Variants in CADM2 observed in about 807,000 individuals in gnomAD.
CADM2 encodes the protein cell adhesion molecule 2, also known as immunoglobulin superfamily member 4D.
CADM2 carries 12 observed loss-of-function variants against 49.8 expected under a neutral mutation model. The ratio of observed to expected loss-of-function variants is 0.24; its 90% CI spans 0.15 to 0.39. The LOEUF is 0.39. Ranked by LOEUF, CADM2 falls within the 10% of genes least tolerant of loss-of-function variation. The pLI is 1.00. For missense variants in CADM2, 378 were observed against 492.3 expected (o/e 0.77, Z 2.20); for synonymous variants, 214 against 175.4 (o/e 1.22, Z -1.74).
intron 8 of CADM2, among the ~76,000 whole-genome samples, chr3:86,037,560 T>C (rs754717557): frequency 6.6e-6 from 1 of 152,186 alleles, no homozygotes; most frequent in Non-Finnish European, 1.5e-5. Flanking sequence ...AAAAGGGCTG[T>C]ATTTTCATTA....
intron 1 of CADM2, among the ~76,000 whole-genome samples, chr3:85,011,023 C>T (rs2107253437): frequency 6.6e-6 from 1 of 151,758 alleles, no homozygotes; most frequent in African/African-American, 2.4e-5. Context: ...GCCACCACGC[C>T]TGGCTAATTT....
At chr3:85,713,517 G>A (rs549969451) in intron 1 of CADM2, among the ~76,000 whole-genome samples, 1 of 152,122 alleles carries the variant, frequency 6.6e-6, no homozygotes, top group South Asian at 2.1e-4. Context: ...GAAATAGAAG[G>A]CAGAAGAACA....
chr3:85,325,595 CA>C (rs1245389643), intron 1 of CADM2, among the ~76,000 whole-genome samples: 1 of 149,582 alleles, frequency 6.7e-6, no homozygotes, highest in African/African-American at 2.5e-5. Flanking sequence ...GAGGCTGAGG[CA>C]GGAGAATCAC....
intron 1 of CADM2, among the ~76,000 whole-genome samples, chr3:85,712,228 G>C (rs2067140537): frequency 6.6e-6 from 1 of 152,026 alleles, no homozygotes; most frequent in Admixed American, 6.6e-5. Flanking sequence ...TTTTCATATA[G>C]TCTTTCTCCT....
intron 1 of CADM2, among the ~76,000 whole-genome samples, chr3:85,001,655 A>C (rs2107217623): frequency 6.6e-6 from 1 of 152,236 alleles, no homozygotes; most frequent in East Asian, 1.9e-4. Flanking sequence ...TAAAGATAAA[A>C]GAGTTAAGAT....
intron 1 of CADM2, among the ~76,000 whole-genome samples, chr3:85,371,037 T>C (rs187910982): frequency 7.9e-5 from 12 of 152,244 alleles, no homozygotes; most frequent in African/African-American, 2.4e-4. Flanking sequence ...GTATAACGTG[T>C]TGTGTTATAA....
At chr3:85,400,118 G>A (rs1014905479) in intron 1 of CADM2, among the ~76,000 whole-genome samples, 1 of 152,040 alleles carries the variant, frequency 6.6e-6, no homozygotes, top group Non-Finnish European at 1.5e-5. Flanking sequence ...TTTGAGATAC[G>A]TCCCATCAAT....
intron 8 of CADM2, among the ~76,000 whole-genome samples, chr3:86,057,882 A>C (rs186223300): frequency 6.6e-6 from 1 of 152,292 alleles, no homozygotes; most frequent in African/African-American, 2.4e-5. Flanking sequence ...GCTATAAATG[A>C]CCTCAACCAG....
At chr3:85,005,308 A>G (rs2107230245) in intron 1 of CADM2, among the ~76,000 whole-genome samples, 1 of 152,250 alleles carries the variant, frequency 6.6e-6, no homozygotes, top group South Asian at 2.1e-4. Context: ...CTGTGTTCCA[A>G]TAAAACTTAT....
At chr3:86,009,571 A>G (rs1299923847) in intron 8 of CADM2, among the ~76,000 whole-genome samples, 1 of 151,864 alleles carries the variant, frequency 6.6e-6, no homozygotes, top group Non-Finnish European at 1.5e-5. Flanking sequence ...AGGTTTTACT[A>G]TGCTTTGCCA....
rs560154119 is a variant in CADM2, at chr3:85,139,553, C to A, written c.61+179885C>A. 1.3e-4 allele frequency among the ~76,000 whole-genome samples: 19 copies of A among 151,722 alleles called. 1 individual carries two copies. Among genetic ancestry groups the A allele is most frequent in the Admixed American group, 4.6e-4 (7 of 15,214 alleles). On this transcript the variant is annotated intron_variant, in intron 1 of 9. Transcript: ENST00000383699. ...TTATTGATTTATTTTGCCTTTAATA[C>A]TATGTGTTTTTCTTTGCATGCATAT...
intron 8 of CADM2, among the ~76,000 whole-genome samples, chr3:85,968,950 C>T (rs1424725813): frequency 6.6e-6 from 1 of 151,512 alleles, no homozygotes; most frequent in South Asian, 2.1e-4. Flanking sequence ...ATACTTGTTT[C>T]GGATTCTAAA....
At chr3:85,169,494 G>T (rs1221057065) in intron 1 of CADM2, among the ~76,000 whole-genome samples, 2 of 152,124 alleles carry the variant, frequency 1.3e-5, no homozygotes, top group Non-Finnish European at 2.9e-5. Flanking sequence ...CTTCTTGTAT[G>T]GGTGTGGTGG....
chr3:85,000,254 C>T (rs991956973), intron 1 of CADM2, among the ~76,000 whole-genome samples: 3 of 151,656 alleles, frequency 2.0e-5, no homozygotes, highest in Non-Finnish European at 2.9e-5. Context: ...GTTGGGACTA[C>T]AGGTGTGCAT....
intron 1 of CADM2, among the ~76,000 whole-genome samples, chr3:85,560,559 A>G (rs775927376): frequency 2.6e-5 from 4 of 152,222 alleles, no homozygotes; most frequent in Non-Finnish European, 5.9e-5. Context: ...AGGAAGTTGG[A>G]AGGACTGAAA....
intron 1 of CADM2, among the ~76,000 whole-genome samples, chr3:85,560,745 A>G (rs182547016): frequency 1.3e-5 from 2 of 152,322 alleles, no homozygotes; most frequent in East Asian, 3.9e-4. Flanking sequence ...TTTGTTACTC[A>G]TTTATACAAC....
chr3:85,013,666 A>G (rs890261584), intron 1 of CADM2, among the ~76,000 whole-genome samples: 6 of 151,190 alleles, frequency 4.0e-5, no homozygotes, highest in Non-Finnish European at 5.9e-5. Context: ...TAAAATTTCT[A>G]TGTAGCTATG....
At chr3:85,728,519 A>G (rs2067799250) in intron 2 of CADM2, among the ~76,000 whole-genome samples, 1 of 152,108 alleles carries the variant, frequency 6.6e-6, no homozygotes, top group African/African-American at 2.4e-5. Context: ...TTTCTATATG[A>G]AGGCAAATGG....
At chr3:85,469,205 T>C (rs940896272) in intron 1 of CADM2, among the ~76,000 whole-genome samples, 26 of 152,182 alleles carry the variant, frequency 1.7e-4, no homozygotes, top group African/African-American at 5.3e-4. Flanking sequence ...TCAATTTCTT[T>C]TATAGATATT....
Sources: gnomAD v4.1 joint callset for allele counts (sites outside exome capture counted in the v4.1 genomes callset) on GRCh38, gnomAD v4.1.1 for gene constraint, MANE v1.5 for transcripts, NCBI Gene and HGNC (gene_info 2026-07-23, HGNC 2026-07-21) for gene names.